The following CPNE4 variants were observed in gnomAD, a reference collection of about 807,000 sequenced individuals.
CPNE4 encodes the protein copine 4.
CPNE4 carries 25 observed loss-of-function variants against 67.9 expected under a neutral mutation model. That is an observed-to-expected ratio of 0.37 (90% confidence interval 0.27 to 0.51). CPNE4 has a LOEUF of 0.51. Ranked by LOEUF, CPNE4 falls within the 20% of genes least tolerant of loss-of-function variation. The pLI, the probability that CPNE4 is intolerant of heterozygous loss-of-function variation, is 0.93. For synonymous variants in CPNE4, 242 were observed against 244.9 expected (o/e 0.99, Z 0.11); for missense variants, 464 against 690.8 (o/e 0.67, Z 3.68).
intron 4 of CPNE4, among the ~76,000 whole-genome samples, chr3:131,697,641 G>C (rs1332563562): frequency 6.6e-6 from 1 of 152,180 alleles, no homozygotes; most frequent in Non-Finnish European, 1.5e-5. Context: ...GAGATTGTGA[G>C]TCCAGGTATA....
Position 132,004,989 on chromosome 3 carries a change from T to C in CPNE4, c.-2+29578A>G, listed in dbSNP as rs1447659035. Among the ~76,000 whole-genome samples, 3 of 152,068 alleles carry C rather than the reference T, an allele frequency of 2.0e-5. No individual in the cohort carries two copies. The East Asian group carries it at 5.8e-4, about 29-fold the overall frequency. ...TGGGCGCAAAAGATAATTCCTCTTT[T>C]CCACCTTATTAGTGGACTACTGGGG... On this transcript the variant is annotated intron_variant, in intron 1 of 15. Coordinates refer to ENST00000429747, the MANE Select transcript of CPNE4 (RefSeq NM_130808.3).
chr3:131,974,285 A>G (rs1270508666), intron 1 of CPNE4, among the ~76,000 whole-genome samples: 1 of 152,174 alleles, frequency 6.6e-6, no homozygotes, highest in Non-Finnish European at 1.5e-5. Flanking sequence ...TTGTGCACAT[A>G]TATGTGTACA....
At chr3:131,556,737 G>A (rs1414191027) in intron 11 of CPNE4, among the ~76,000 whole-genome samples, 1 of 152,004 alleles carries the variant, frequency 6.6e-6, no homozygotes, top group African/African-American at 2.4e-5. Context: ...CATATCCTTT[G>A]GTTTGAGTTA....
Position 131,842,856 on chromosome 3 carries a change from A to G in CPNE4, c.180+62408T>C, listed in dbSNP as rs139938679. ...CATGAAACACTTGATTCCACCAGAC[A>G]TATAACTGAAAAGTGTTCCACGATA... On this transcript the variant is annotated intron_variant, in intron 2 of 15. Transcript: ENST00000429747. 3.9e-5 allele frequency among the ~76,000 whole-genome samples: 6 copies of G among 152,310 alleles called. No homozygotes were observed. The East Asian group carries it at 1.2e-3, about 29-fold the overall frequency.
intron 11 of CPNE4, among the ~76,000 whole-genome samples, chr3:131,558,243 C>T (rs138271186): frequency 3.4e-4 from 52 of 151,988 alleles, no homozygotes; most frequent in South Asian, 1.5e-3. Flanking sequence ...AAGTTTTAAG[C>T]CTAAGCACAA....
chr3:131,615,951 A>G (rs1940133274), intron 7 of CPNE4, among the ~76,000 whole-genome samples: 1 of 144,530 alleles, frequency 6.9e-6, no homozygotes, highest in Non-Finnish European at 1.5e-5. Flanking sequence ...ACACACACAC[A>G]AAAGAACATT....
chr3:131,790,888 A>C (rs1320187232), intron 2 of CPNE4, among the ~76,000 whole-genome samples: 1 of 152,152 alleles, frequency 6.6e-6, no homozygotes, highest in Non-Finnish European at 1.5e-5. Context: ...ATTTTAGCCT[A>C]ATACAATACA....
chr3:131,672,780 T>A (rs557440254), intron 6 of CPNE4, among the ~76,000 whole-genome samples: 1 of 152,286 alleles, frequency 6.6e-6, no homozygotes, highest in Admixed American at 6.5e-5. Context: ...TCTCTCATTC[T>A]GTGGGTTTTC....
At chr3:131,660,351 ATT>A (rs59558261) in intron 7 of CPNE4, among the ~76,000 whole-genome samples, 79,338 of 151,342 alleles carry the variant, frequency 0.52, 21,287 homozygotes, top group East Asian at 0.79. Context: ...GAGGGGTCCC[ATT>A]AGCATCATAG....
In CPNE4 at chr3:131,678,878, C is replaced by T. The variant is rs184149415; in HGVS notation, c.591+6997G>A. Among the ~76,000 whole-genome samples, 402 of 152,174 alleles carry T rather than the reference C, an allele frequency of 2.6e-3. 2 individuals are homozygous for T. Among genetic ancestry groups the T allele is most frequent in the African/African-American group, 9.2e-3 (381 of 41,526 alleles). Reference sequence around the variant, plus strand: ...GCATCAGTGTTCATCAAGGATATTACGCTGAAGTTTTCTTTTTTTGTTGTT... The same window carrying T: ...GCATCAGTGTTCATCAAGGATATTATGCTGAAGTTTTCTTTTTTTGTTGTT... On this transcript the variant is annotated intron_variant, in intron 6 of 15. Transcript: ENST00000429747.
chr3:131,684,972 A>G (rs1181896386), intron 6 of CPNE4, among the ~76,000 whole-genome samples: 1 of 152,214 alleles, frequency 6.6e-6, no homozygotes, highest in East Asian at 1.9e-4. Context: ...AGTGGCTGCT[A>G]AGAAAGGTCA....
intron 1 of CPNE4, among the ~76,000 whole-genome samples, chr3:131,991,535 C>A (rs1448686892): frequency 2.9e-5 from 4 of 135,602 alleles, no homozygotes; most frequent in Admixed American, 8.3e-5. Context: ...ATTAGGATAT[C>A]TAGTGGAAGA....
intron 2 of CPNE4, among the ~76,000 whole-genome samples, chr3:131,802,714 C>T (rs189697337): frequency 1.3e-4 from 20 of 152,254 alleles, no homozygotes; most frequent in East Asian, 3.9e-4. Flanking sequence ...AAAATGTTCA[C>T]GGAGGGAAAC....
intron 1 of CPNE4, among the ~76,000 whole-genome samples, chr3:132,027,496 T>C (rs901140048): frequency 2.4e-5 from 3 of 122,638 alleles, no homozygotes; most frequent in Non-Finnish European, 5.3e-5. Flanking sequence ...TTTCCACTCT[T>C]TTCCTCTTAT....
intron 1 of CPNE4, among the ~76,000 whole-genome samples, chr3:132,034,287 C>A (rs1458222909): frequency 4.6e-5 from 7 of 152,168 alleles, no homozygotes; most frequent in Non-Finnish European, 8.8e-5. Flanking sequence ...GCCATGCTGT[C>A]CCCTCCCCTC....
At chr3:131,543,811 A>T (rs576842606) in intron 14 of CPNE4, among the ~76,000 whole-genome samples, 1 of 152,222 alleles carries the variant, frequency 6.6e-6, no homozygotes, top group Non-Finnish European at 1.5e-5. Context: ...TCTGAAGGCC[A>T]TGTGCCACAA....
chr3:131,644,179 G>T (rs113197607), intron 7 of CPNE4, among the ~76,000 whole-genome samples: 2 of 151,260 alleles, frequency 1.3e-5, no homozygotes, highest in African/African-American at 4.9e-5. Flanking sequence ...ATGGAGTCTC[G>T]CTCTGTCACC....
At chr3:131,565,818 TAAAAAA>T (rs66674789) in intron 10 of CPNE4, among the ~76,000 whole-genome samples, 1 of 129,796 alleles carries the variant, frequency 7.7e-6, no homozygotes, top group Non-Finnish European at 1.7e-5. Context: ...TAAGAGTATG[TAAAAAA>T]AAAAAAAAAA....
chr3:131,548,588 T>C (rs1444452286), intron 14 of CPNE4, among the ~76,000 whole-genome samples: 1 of 151,740 alleles, frequency 6.6e-6, no homozygotes, highest in Non-Finnish European at 1.5e-5. Context: ...CATATGGAGG[T>C]TTGGGTGAGA....
Sources: gnomAD v4.1 joint callset for allele counts (sites outside exome capture counted in the v4.1 genomes callset) on GRCh38, gnomAD v4.1.1 for gene constraint, MANE v1.5 for transcripts, NCBI Gene and HGNC (gene_info 2026-07-23, HGNC 2026-07-21) for gene names.